The following DICER1 variants were observed in gnomAD, a reference collection of about 807,000 sequenced individuals.
DICER1 encodes endoribonuclease Dicer.
In DICER1, 43 loss-of-function variants were observed where a neutral mutation model predicts 194.1. The observed-to-expected ratio is 0.22, with a 90% confidence interval of 0.17 to 0.29. The LOEUF is 0.29. Ranked by LOEUF, DICER1 falls within the 10% of genes least tolerant of loss-of-function variation. The pLI, the probability that DICER1 is intolerant of heterozygous loss-of-function variation, is 1.00. For synonymous variants in DICER1, 832 were observed against 820.5 expected (o/e 1.01, Z -0.24); for missense variants, 1,608 against 2,317.0 (o/e 0.69, Z 6.28).
rs1894119766 is a variant in DICER1 at position 95,133,366 on chromosome 14, T to C, written c.93A>G (p.Pro31=). 7 of 1,614,150 alleles carry C rather than the reference T, an allele frequency of 4.3e-6. No individual in the cohort carries two copies. Among genetic ancestry groups the C allele is most frequent in the Non-Finnish European group, 5.9e-6 (7 of 1,180,012 alleles). The change falls in exon 2 of 27, where the codon CCA becomes CCG. Residue 31 remains proline (P), a synonymous_variant. Transcript: ENST00000343455. ...TATCATGAATTGCTTCTTGTTGCCA[T>C]GGCAGTCCAAAGAAAGGACCCATTG... ...SSPMGPFFGL[P]WQQEAIHDNI... is the part of the protein sequence containing the mutation.
rs1464876003 is a variant in DICER1 at position 95,095,847 on chromosome 14, G to A, written c.5073C>T (p.Ser1691=). 1 of 1,614,050 alleles carries A rather than the reference G, an allele frequency of 6.2e-7. No homozygotes were observed. The highest frequency in any genetic ancestry group is 1.3e-5 in the African/African-American group (1 of 74,938). ...TACCAGTGATAGTATTGTAGTGGTA[G>A]GAGGCATGTGTAAAAGCCTGGAGAA... ...AYLLQAFTHA[S]YHYNTITDCY... The change falls in exon 23 of 27, where the codon TCC becomes TCT. Residue 1691 remains serine (S), a synonymous_variant. Coordinates refer to ENST00000343455, the MANE Select transcript of DICER1 (RefSeq NM_177438.3).
chr14:95,138,710 C>T (rs376187041), intron 1 of DICER1, among the ~76,000 whole-genome samples: 2 of 150,658 alleles, frequency 1.3e-5, no homozygotes, highest in East Asian at 3.9e-4. Context: ...AGTAAACTAT[C>T]GCAAGAACAA....
chr14:95,123,934 A>G (rs1246362923), intron 8 of DICER1, among the ~76,000 whole-genome samples: 1 of 152,184 alleles, frequency 6.6e-6, no homozygotes, highest in Non-Finnish European at 1.5e-5. Context: ...TTTTTTAAAA[A>G]CCATACTTGT....
At chr14:95,123,361 T>A (rs965391263) in intron 8 of DICER1, among the ~76,000 whole-genome samples, 4 of 152,232 alleles carry the variant, frequency 2.6e-5, no homozygotes, top group African/African-American at 9.6e-5. Context: ...AAAATTTTAA[T>A]ATGCAGTCTA....
rs886050926 is a variant in DICER1 at position 95,086,238 on chromosome 14, A to G, written c.*4260T>C. On this transcript the variant is annotated 3_prime_UTR_variant, in exon 27 of 27. Coordinates refer to ENST00000343455, the MANE Select transcript of DICER1 (RefSeq NM_177438.3). Reference sequence around the variant, plus strand: ...TGAAAGGACACAAAGTGAACAGACGATAACTTTATTGGAGATTTACTTGGC... The same window carrying G: ...TGAAAGGACACAAAGTGAACAGACGGTAACTTTATTGGAGATTTACTTGGC... 11 of 232,134 alleles carry G rather than the reference A, an allele frequency of 4.7e-5. No individual in the cohort carries two copies. The highest frequency in any genetic ancestry group is 1.8e-4 in the South Asian group (1 of 5,526). The allele number at this position is 232,134 out of a possible 1,614,324, so 14.4% of individuals were successfully genotyped here.
chr14:95,133,964 T>C (rs995264919), intron 1 of DICER1, among the ~76,000 whole-genome samples: 2 of 152,168 alleles, frequency 1.3e-5, no homozygotes, highest in African/African-American at 2.4e-5. Context: ...TTGTTAAATA[T>C]ATGTACATAT....
chr14:95,123,327 C>A (rs1403052051), intron 8 of DICER1, among the ~76,000 whole-genome samples: 2 of 152,190 alleles, frequency 1.3e-5, no homozygotes, highest in Non-Finnish European at 2.9e-5. Context: ...CTTTCCCCAA[C>A]ATTCTTATTC....
At position 95,104,992 on chromosome 14, in the gene DICER1, A is replaced by G; in HGVS notation, c.3269+79T>C. 10 of 1,355,856 alleles carry G rather than the reference A, an allele frequency of 7.4e-6. No individual in the cohort carries two copies. In the South Asian group the frequency reaches 1.2e-4, roughly 16 times the overall value. The allele number at this position is 1,355,856 out of a possible 1,614,324, so 84.0% of individuals were successfully genotyped here. ...TACTCTTTTAAGAATTATTTTATAT[A>G]CAATTTTAACTTAATTCTGTTCTTT... is the stretch of plus-strand genomic sequence containing the variant. On this transcript the variant is annotated intron_variant, in intron 20 of 26. Coordinates refer to ENST00000343455, the MANE Select transcript of DICER1 (RefSeq NM_177438.3).
chr14:95,140,008 A>G (rs2140355503), intron 1 of DICER1, among the ~76,000 whole-genome samples: 1 of 152,320 alleles, frequency 6.6e-6, no homozygotes, highest in Non-Finnish European at 1.5e-5. Flanking sequence ...CTTTCTTGGC[A>G]TGTTTAAACA....
At position 95,103,891 on chromosome 14, in the gene DICER1, A is replaced by C. The variant is rs2139966868; in HGVS notation, c.3505T>G (p.Ser1169Ala). The C allele has an allele frequency of 6.2e-7, 1 of 1,614,196 alleles. No individual in the cohort carries two copies. The highest frequency in any genetic ancestry group is 8.5e-7 in the Non-Finnish European group (1 of 1,180,018). The change falls in exon 21 of 27, where the codon TCA (serine) becomes GCA (alanine). Residue 1169 changes from serine to alanine, a missense_variant. Ser to Ala is a moderately conservative substitution (Grantham distance 99). Transcript: ENST00000343455. ...ESPGKLHVEV[S>A]ADLTAINGLS... ...CCATTAATTGCTGTAAGATCTGCTG[A>C]AACTTCAACGTGGAGCTTACCAGGG...
intron 1 of DICER1, among the ~76,000 whole-genome samples, chr14:95,139,487 A>G (rs577888302): frequency 1.3e-5 from 2 of 152,336 alleles, no homozygotes; most frequent in African/African-American, 4.8e-5. Flanking sequence ...TTTCTATCAC[A>G]GATTTTTAGA....
At chr14:95,099,296 GGAT>G (rs1890643987) in intron 22 of DICER1, among the ~76,000 whole-genome samples, 1 of 151,524 alleles carries the variant, frequency 6.6e-6, no homozygotes, top group East Asian at 1.9e-4. Flanking sequence ...CAATCTTTAT[GGAT>G]GATTTTTTTT....
At chr14:95,112,354 A>C in intron 12 of DICER1, 107 bp from the exon 13 acceptor site, 1 of 905,136 alleles carries the variant, frequency 1.1e-6, no homozygotes, top group Non-Finnish European at 1.8e-6. Context: ...AGTTCAATTT[A>C]CCAAAACAAA....
chr14:95,093,794 C>CT, intron 24 of DICER1, 94 bp downstream of exon 24: 1 of 1,367,606 alleles, frequency 7.3e-7, no homozygotes, highest in Non-Finnish European at 1.0e-6. Flanking sequence ...TGACCTCCTG[C>CT]TGTCCCTTTA....
intron 1 of DICER1, 35 bp from the exon 2 acceptor site, chr14:95,133,538 A>C: frequency 6.9e-7 from 1 of 1,447,796 alleles, no homozygotes; most frequent in Non-Finnish European, 9.5e-7. Context: ...TTACACAATC[A>C]TGCAGGGTTA....
In DICER1 at chr14:95,096,492, A is replaced by G. The variant is rs777107752; in HGVS notation, c.4428T>C (p.Asp1476=). The G allele has an allele frequency of 6.2e-7, 1 of 1,614,218 alleles. No homozygotes were observed. The highest frequency in any genetic ancestry group is 8.5e-7 in the Non-Finnish European group (1 of 1,180,012). ...KISLSPFSTT[D]SAYEWKMPKK... ...TGGGCATTTTCCATTCATATGCAGA[A>G]TCAGTGGTTGAAAAAGGAGAAAGAG... is the stretch of plus-strand genomic sequence containing the variant. Residue 1476 remains aspartate, a synonymous_variant, in exon 23 of 27, where the codon GAT becomes GAC. Transcript: ENST00000343455.
upstream of DICER1, chr14:95,157,800 T>C (rs1036625893): frequency 4.6e-5 from 7 of 152,236 alleles, no homozygotes; most frequent in African/African-American, 1.7e-4. Flanking sequence ...TTTGGCAGAC[T>C]CTCTGAGCTC....
intron 24 of DICER1, among the ~76,000 whole-genome samples, chr14:95,092,776 A>C (rs1250761017): frequency 6.6e-6 from 1 of 152,234 alleles, no homozygotes; most frequent in Non-Finnish European, 1.5e-5. Context: ...CTGGCATCCA[A>C]AGAGAGCTTA....
chr14:95,115,889 T>C, intron 10 of DICER1, 68 bp from the exon 11 acceptor site: 1 of 1,524,626 alleles, frequency 6.6e-7, no homozygotes, highest in Non-Finnish European at 9.1e-7. Context: ...TCTGCCTCTG[T>C]ACCTACAGAA....
Sources: gnomAD v4.1 joint callset for allele counts (sites outside exome capture counted in the v4.1 genomes callset) on GRCh38, gnomAD v4.1.1 for gene constraint, MANE v1.5 for transcripts, NCBI Gene and HGNC (gene_info 2026-07-23, HGNC 2026-07-21) for gene names.